Variants in PI4KA observed in about 807,000 individuals in gnomAD.
The protein encoded by PI4KA is phosphatidylinositol 4-kinase alpha.
In PI4KA, 122 loss-of-function variants were observed where a neutral mutation model predicts 271.4. The observed-to-expected ratio is 0.45, with a 90% CI of 0.39 to 0.52. PI4KA has a LOEUF of 0.52. PI4KA is among the 20% of genes least tolerant of loss of function. The pLI is 0.00. For missense variants in PI4KA, 1,969 were observed against 2,769.1 expected (o/e 0.71, Z 6.48); for synonymous variants, 1,041 against 1,078.8 (o/e 0.96, Z 0.69).
chr22:20,800,692 C>G (rs1348432819), intron 14 of PI4KA, among the ~76,000 whole-genome samples: 1 of 139,814 alleles, frequency 7.2e-6, no homozygotes, highest in Non-Finnish European at 1.6e-5. Context: ...GAAACCCCAT[C>G]TCTACTAAAA....
chr22:20,759,928 G>A (rs1292861190), intron 23 of PI4KA, among the ~76,000 whole-genome samples: 1 of 152,000 alleles, frequency 6.6e-6, no homozygotes, highest in African/African-American at 2.4e-5. Flanking sequence ...TCAAACTCCT[G>A]ACCTCAGGTG....
At position 20,721,357 on chromosome 22, in the gene PI4KA, T is replaced by C; in HGVS notation, c.5057A>G (p.Gln1686Arg). 1 of 1,613,670 alleles carries C rather than the reference T, an allele frequency of 6.2e-7. No homozygotes were observed. Among genetic ancestry groups the C allele is most frequent in the South Asian group, 1.1e-5 (1 of 91,062 alleles). ...AASKSQLLAH[Q>R]FIWNMKTNIY... ...GTTAGTCTTCATGTTCCAGATGAAC[T>C]GGTGTGCCAGAAGCTGGGATTTAGA... Residue 1686 changes from glutamine (Q) to arginine (R), a missense_variant, in exon 43 of 55, where the codon CAG (glutamine) becomes CGG (arginine). By Grantham distance (43) the Gln-to-Arg change is conservative. Around this residue, in one of 13 missense-constraint regions of PI4KA, gnomAD observed 388 missense variants for 521.5 expected, o/e 0.74. Transcript: ENST00000255882.
At chr22:20,748,703 TG>T (rs1442574581) in intron 28 of PI4KA, among the ~76,000 whole-genome samples, 2 of 152,186 alleles carry the variant, frequency 1.3e-5, no homozygotes, top group Admixed American at 1.3e-4. Context: ...TCAATGGTTT[TG>T]GGGGACTCCT....
intron 23 of PI4KA, 117 bp downstream of exon 23, chr22:20,761,187 T>C (rs1408227242): frequency 2.9e-6 from 2 of 688,338 alleles, no homozygotes; most frequent in Admixed American, 2.3e-5. Flanking sequence ...ATCTTTCTCA[T>C]GCAATATTTA....
At chr22:20,722,881 A>G (rs1011938985) in intron 42 of PI4KA, among the ~76,000 whole-genome samples, 3 of 152,220 alleles carry the variant, frequency 2.0e-5, no homozygotes, top group Non-Finnish European at 4.4e-5. Flanking sequence ...ATGAATGTTC[A>G]ATGTGTAGTG....
At chr22:20,855,935 C>G (rs946965958) in intron 1 of PI4KA, among the ~76,000 whole-genome samples, 2 of 152,198 alleles carry the variant, frequency 1.3e-5, no homozygotes, top group Non-Finnish European at 2.9e-5. Flanking sequence ...TGTAAGCAGG[C>G]TCTTGTAAAA....
rs1922342775 is a variant in PI4KA, at chr22:20,819,630, C to T, written c.789+11G>A. On this transcript the variant is annotated intron_variant, in intron 6 of 54. Coordinates refer to ENST00000255882, the MANE Select transcript of PI4KA (RefSeq NM_058004.4). ...TTCTCCTCTGCTCTTTCCCCAGTAGCCCAGGCCCACCTGAGAGATGCTGGA... is the reference window on the plus strand; with the variant it reads ...TTCTCCTCTGCTCTTTCCCCAGTAGTCCAGGCCCACCTGAGAGATGCTGGA... 2 of 1,611,898 alleles carry T rather than the reference C, an allele frequency of 1.2e-6. No individual in the cohort carries two copies. The highest frequency in any genetic ancestry group is 1.1e-5 in the South Asian group (1 of 90,914).
At chr22:20,718,384 G>C (rs1926279668) in intron 44 of PI4KA, among the ~76,000 whole-genome samples, 1 of 152,218 alleles carries the variant, frequency 6.6e-6, no homozygotes, top group African/African-American at 2.4e-5. Context: ...GGAGAGGGCA[G>C]GGTGGCCTCA....
chr22:20,718,694 T>C lies in PI4KA; in HGVS notation c.5245A>G (p.Lys1749Glu). Residue 1749 changes from lysine (K) to glutamate (E), a missense_variant and splice_region_variant, in exon 44 of 55, where the codon AAG (lysine) becomes GAG (glutamate). Physicochemically the swap from Lys to Glu is moderately conservative, Grantham distance 56. This residue lies in a region of PI4KA where 388 missense variants were observed against 521.5 expected (regional missense o/e 0.74). Coordinates refer to ENST00000255882, the MANE Select transcript of PI4KA (RefSeq NM_058004.4). ...NKITNVSAII[K>E]PYPKGDERKK... is the part of the protein sequence containing the mutation. ...TGGTTTCTGAAGCACTGCACTTACTTGATGATAGCCGACACGTTGGTGATC... is the reference window on the plus strand; with the variant it reads ...TGGTTTCTGAAGCACTGCACTTACTCGATGATAGCCGACACGTTGGTGATC... The C allele has an allele frequency of 6.2e-7, 1 of 1,613,332 alleles. No individual in the cohort carries two copies. The highest frequency in any genetic ancestry group is 8.5e-7 in the Non-Finnish European group (1 of 1,179,866).
intron 18 of PI4KA, among the ~76,000 whole-genome samples, chr22:20,795,478 A>T (rs1451186627): frequency 6.6e-6 from 1 of 152,202 alleles, no homozygotes; most frequent in Non-Finnish European, 1.5e-5. Flanking sequence ...TTATTCAAAT[A>T]TGCTCTTATA....
Position 20,837,857 on chromosome 22 carries a change from G to A in PI4KA, c.273+758C>T, listed in dbSNP as rs182837158. Reference sequence around the variant, plus strand: ...GCATGATGGCTCACACGTGGTTCACGCCTGTAATCCTAACACTTTGGGAGG... The same window carrying A: ...GCATGATGGCTCACACGTGGTTCACACCTGTAATCCTAACACTTTGGGAGG... On this transcript the variant is annotated intron_variant, in intron 2 of 54. Transcript: ENST00000255882. 6.6e-5 allele frequency among the ~76,000 whole-genome samples: 10 copies of A among 152,126 alleles called. No homozygotes were observed. The East Asian group carries it at 1.9e-3, about 29-fold the overall frequency.
At chr22:20,751,587 G>T in intron 26 of PI4KA, 87 bp downstream of exon 26, 1 of 1,184,166 alleles carries the variant, frequency 8.4e-7, no homozygotes, top group Non-Finnish European at 1.3e-6. Context: ...TGTCAGAGAA[G>T]CATGCCACAA....
chr22:20,765,635 C>T lies in PI4KA; in HGVS notation c.2387G>A (p.Arg796Gln), dbSNP rs771236267. 6 of 1,611,576 alleles carry T rather than the reference C, an allele frequency of 3.7e-6. No individual in the cohort carries two copies. The highest frequency in any genetic ancestry group is 1.1e-5 in the South Asian group (1 of 91,012). Residue 796 changes from arginine to glutamine, a missense_variant, in exon 20 of 55, where the codon CGA becomes CAA. By Grantham distance (43) the Arg-to-Gln change is conservative (BLOSUM62 1). Coordinates refer to ENST00000255882, the MANE Select transcript of PI4KA (RefSeq NM_058004.4). The stretch of plus-strand genomic sequence containing the variant: ...CAGAACGGAATACAGCCAGAAGTCT[C>T]GGAAGAGCTTCTGTAACCGAGGCTT... ...EAKPRLQKLFRDFWLYSVLMG... is the reference protein window; with the variant it reads ...EAKPRLQKLFQDFWLYSVLMG...
At chr22:20,800,951 T>C (rs1173310395) in intron 14 of PI4KA, among the ~76,000 whole-genome samples, 8 of 146,668 alleles carry the variant, frequency 5.5e-5, no homozygotes, top group African/African-American at 2.0e-4. Flanking sequence ...AGTGCAATGG[T>C]ACAATCTCGG....
chr22:20,840,989 A>G (rs1243730538), intron 1 of PI4KA, among the ~76,000 whole-genome samples: 1 of 152,334 alleles, frequency 6.6e-6, no homozygotes, highest in Admixed American at 6.5e-5. Flanking sequence ...TCTAAGTCAC[A>G]GGGTGAGACA....
intron 23 of PI4KA, among the ~76,000 whole-genome samples, chr22:20,753,557 T>C (rs950853606): frequency 1.3e-5 from 2 of 152,226 alleles, no homozygotes; most frequent in African/African-American, 2.4e-5. Flanking sequence ...TTTTGTGACT[T>C]TGACACTTTT....
intron 3 of PI4KA, 135 bp from the exon 4 acceptor site, chr22:20,824,549 A>G: frequency 1.6e-6 from 1 of 613,882 alleles, no homozygotes; most frequent in African/African-American, 1.9e-5. Context: ...CCTCCTTGAG[A>G]CGAGTCTCAA....
intron 43 of PI4KA, among the ~76,000 whole-genome samples, chr22:20,721,003 G>C (rs1926669457): frequency 6.6e-6 from 1 of 152,212 alleles, no homozygotes; most frequent in Admixed American, 6.5e-5. Context: ...CTCACATGCA[G>C]TCACAGTTGT....
chr22:20,771,110 G>A (rs1023448009), intron 19 of PI4KA, among the ~76,000 whole-genome samples: 2 of 152,090 alleles, frequency 1.3e-5, no homozygotes, highest in African/African-American at 4.8e-5. Flanking sequence ...TGTGTGACAG[G>A]AGGTACTGCT....
Sources: gnomAD v4.1 joint callset for allele counts (sites outside exome capture counted in the v4.1 genomes callset) on GRCh38, gnomAD v4.1.1 for gene constraint, gnomAD v4.1.1 regional missense constraint, MANE v1.5 for transcripts, NCBI Gene and HGNC (gene_info 2026-07-23, HGNC 2026-07-21) for gene names.